The following FAM13C variants were observed in gnomAD, a reference collection of about 807,000 sequenced individuals.
FAM13C encodes family with sequence similarity 13 member C.
FAM13C carries 37 observed loss-of-function variants against 73.2 expected under a neutral mutation model. The ratio of observed to expected loss-of-function variants is 0.51; its 90% CI spans 0.39 to 0.67. The LOEUF (loss-of-function observed/expected upper bound fraction) is 0.67. Ranked by LOEUF, FAM13C falls within the 30% of genes least tolerant of loss-of-function variation. The pLI, the probability that FAM13C is intolerant of heterozygous loss-of-function variation, is 0.00. For missense variants in FAM13C, 589 were observed against 715.6 expected (o/e 0.82, Z 2.02); for synonymous variants, 246 against 260.9 (o/e 0.94, Z 0.55).
chr10:59,329,361 T>G (rs1024619471), intron 3 of FAM13C, among the ~76,000 whole-genome samples: 2 of 51,606 alleles, frequency 3.9e-5, no homozygotes, highest in South Asian at 7.2e-4. Flanking sequence ...TTTTTTTTTT[T>G]TTTTTTTTTT....
chr10:59,313,814 G>A lies in FAM13C; in HGVS notation c.443+10174C>T, dbSNP rs868752933. 2.6e-5 allele frequency among the ~76,000 whole-genome samples: 4 copies of A among 152,262 alleles called. 1 individual carries two copies. The South Asian group carries it at 8.3e-4, about 32-fold the overall frequency. On this transcript the variant is annotated intron_variant, in intron 4 of 13. Coordinates refer to ENST00000618804, the MANE Select transcript of FAM13C (RefSeq NM_198215.4). ...GCTTGTAAAGGACCAGGTACATAAAGGACCATAATGAAATATGGCCAAGAG... is the reference window on the plus strand; with the variant it reads ...GCTTGTAAAGGACCAGGTACATAAAAGACCATAATGAAATATGGCCAAGAG...
At chr10:59,359,621 G>A (rs367548455) in intron 1 of FAM13C, among the ~76,000 whole-genome samples, 4 of 152,326 alleles carry the variant, frequency 2.6e-5, no homozygotes, top group African/African-American at 9.6e-5. Flanking sequence ...AACTCTCTGA[G>A]GGCAGAGCCC....
chr10:59,292,940 C>T (rs796825123), intron 5 of FAM13C, among the ~76,000 whole-genome samples: 10 of 152,144 alleles, frequency 6.6e-5, no homozygotes, highest in African/African-American at 2.2e-4. Flanking sequence ...AGAACTTATT[C>T]CTCTTATCTA....
intron 5 of FAM13C, among the ~76,000 whole-genome samples, chr10:59,299,845 T>C (rs1416762228): frequency 1.3e-5 from 2 of 151,904 alleles, no homozygotes; most frequent in Non-Finnish European, 2.9e-5. Flanking sequence ...TGAATGTCAG[T>C]AGGGAGATTT....
intron 9 of FAM13C, 116 bp from the exon 10 acceptor site, chr10:59,262,761 A>T: frequency 1.2e-6 from 1 of 848,926 alleles, no homozygotes; most frequent in Non-Finnish European, 1.8e-6. Flanking sequence ...AACACTAATG[A>T]TGGCTTTCCA....
chr10:59,352,376 G>T lies in FAM13C; in HGVS notation c.218C>A (p.Thr73Asn). Residue 73 changes from threonine (T) to asparagine (N), a missense_variant, in exon 3 of 14, where the codon ACC becomes AAC. Thr to Asn is a moderately conservative substitution (Grantham distance 65, BLOSUM62 0). Transcript: ENST00000618804. ...TCGCAATACGCTGTCCACCAGCACG[G>T]TCGCCTCTACATTCTGCTGCTGCGG... ...WEPQQQNVEA[T>N]VLVDSVLRPS... 6.2e-7 allele frequency: 1 copy of T among 1,614,156 alleles called. No individual in the cohort carries two copies.
At chr10:59,296,938 A>G (rs1846987290) in intron 5 of FAM13C, 1 of 152,228 alleles carries the variant, frequency 6.6e-6, no homozygotes, top group Non-Finnish European at 1.5e-5. Context: ...AACAGCAAAA[A>G]TATTTCTACC....
At chr10:59,263,479 G>A (rs1842719746) in intron 9 of FAM13C, among the ~76,000 whole-genome samples, 1 of 152,132 alleles carries the variant, frequency 6.6e-6, no homozygotes. Flanking sequence ...GCAGAAATTT[G>A]GAAAAACTCC....
intron 5 of FAM13C, 126 bp downstream of exon 5, chr10:59,302,675 A>G (rs1179766715): frequency 5.0e-6 from 4 of 802,572 alleles, no homozygotes; most frequent in South Asian, 1.7e-5. Flanking sequence ...TATAAGTATT[A>G]CAAGTTCACT....
At chr10:59,265,416 T>C (rs867413153) in intron 8 of FAM13C, among the ~76,000 whole-genome samples, 46 of 146,134 alleles carry the variant, frequency 3.1e-4, no homozygotes, top group African/African-American at 1.1e-3. Flanking sequence ...TAGTCCTATC[T>C]ATGGTTTGCT....
intron 3 of FAM13C, among the ~76,000 whole-genome samples, chr10:59,347,949 C>T (rs1318138943): frequency 1.3e-5 from 2 of 152,104 alleles, no homozygotes; most frequent in Non-Finnish European, 2.9e-5. Flanking sequence ...TCAGTTGGTT[C>T]CAAGTCTTTG....
chr10:59,348,085 C>T (rs1035707349), intron 3 of FAM13C, among the ~76,000 whole-genome samples: 19 of 152,098 alleles, frequency 1.2e-4, no homozygotes, highest in Admixed American at 5.9e-4. Context: ...TACATCCAAA[C>T]TTTGTGAAAA....
intron 1 of FAM13C, among the ~76,000 whole-genome samples, chr10:59,358,114 A>G (rs150236708): frequency 6.6e-6 from 1 of 152,316 alleles, no homozygotes; most frequent in African/African-American, 2.4e-5. Context: ...GCCCTGGTGC[A>G]GTGTCTCACA....
In FAM13C at chr10:59,352,299, C is replaced by T. The variant is rs1216639019; in HGVS notation, c.295G>A (p.Glu99Lys). 2.5e-6 allele frequency: 4 copies of T among 1,614,030 alleles called. No homozygotes were observed. The East Asian group carries it at 6.7e-5, about 27-fold the overall frequency. Residue 99 changes from glutamate (E) to lysine (K), a missense_variant, in exon 3 of 14, where the codon GAG (glutamate) becomes AAG (lysine). Coordinates refer to ENST00000618804, the MANE Select transcript of FAM13C (RefSeq NM_198215.4). ...CTTTCTCCGTGGCTCCTCCCGCTCTCCGCTTTGAAGATGGACTTGGGCTTC... is the reference window on the plus strand; with the variant it reads ...CTTTCTCCGTGGCTCCTCCCGCTCTTCGCTTTGAAGATGGACTTGGGCTTC... ...SRKPKSIFKA[E>K]SGRSHGESQE...
At position 59,269,982 on chromosome 10, in the gene FAM13C, T is replaced by C. The variant is rs1024044275; in HGVS notation, c.720A>G (p.Arg240=). The change falls in exon 7 of 14, where the codon CGA becomes CGG. Residue 240 remains arginine, a synonymous_variant. Transcript: ENST00000618804. ...TCTGGCTTTGGCTGAAGATGGAGCATCGTGGCGACAGCAGTGGGTTATCAC... is the reference window on the plus strand; with the variant it reads ...TCTGGCTTTGGCTGAAGATGGAGCACCGTGGCGACAGCAGTGGGTTATCAC... ...TDGDNPLLSP[R]CSIFSQSQRF... 3.7e-6 allele frequency: 6 copies of C among 1,613,876 alleles called. No individual in the cohort carries two copies. The African/African-American group carries it at 8.0e-5, about 22-fold the overall frequency.
chr10:59,268,619 G>A lies in FAM13C; in HGVS notation c.876C>T (p.His292=). The change falls in exon 8 of 14, where the codon CAC becomes CAT. Residue 292 remains histidine, a synonymous_variant. Transcript: ENST00000618804. ...EPQTITQLTK[H]IQSLKRKIRK... is the part of the protein sequence containing the mutation. The stretch of plus-strand genomic sequence containing the variant: ...GAATTTTCCGCTTGAGGCTCTGGAT[G>A]TGCTTGGTGAGCTGGGTGATGGTCT... The A allele has an allele frequency of 6.8e-6, 11 of 1,613,728 alleles. No homozygotes were observed. The highest frequency in any genetic ancestry group is 9.3e-6 in the Non-Finnish European group (11 of 1,179,840).
chr10:59,290,694 T>C (rs1846120910), intron 5 of FAM13C, among the ~76,000 whole-genome samples: 1 of 152,186 alleles, frequency 6.6e-6, no homozygotes, highest in Admixed American at 6.5e-5. Context: ...TTCACAAGGC[T>C]CGCCACATTA....
intron 1 of FAM13C, among the ~76,000 whole-genome samples, chr10:59,356,434 T>C (rs1299859476): frequency 1.3e-5 from 2 of 152,190 alleles, no homozygotes; most frequent in Non-Finnish European, 2.9e-5. Context: ...GGATTAACTT[T>C]ATGAAAAATT....
At position 59,253,000 on chromosome 10, in the gene FAM13C, T is replaced by A. The variant is rs746726052; in HGVS notation, c.1333-2A>T. The A allele has an allele frequency of 6.2e-7, 1 of 1,613,162 alleles. No homozygotes were observed. On this transcript the variant is annotated splice_acceptor_variant, in intron 11 of 13. Coordinates refer to ENST00000618804, the MANE Select transcript of FAM13C (RefSeq NM_198215.4). LOFTEE classifies it high-confidence loss of function. ...TTCATCAGAGTCCTCTTCCTCCTGC[T>A]TATCACAGGCAGAGTTAAAGAAAGA...
Sources: gnomAD v4.1 joint callset for allele counts (sites outside exome capture counted in the v4.1 genomes callset) on GRCh38, gnomAD v4.1.1 for gene constraint, MANE v1.5 for transcripts, NCBI Gene and HGNC (gene_info 2026-07-23, HGNC 2026-07-21) for gene names.